Variants in LIN54 observed in about 807,000 individuals in gnomAD.
The protein encoded by LIN54 is protein lin-54 homolog.
LIN54 carries 9 observed loss-of-function variants against 78.7 expected under a neutral mutation model. That is an observed-to-expected ratio of 0.11 (90% CI 0.07 to 0.20). The LOEUF (loss-of-function observed/expected upper bound fraction) is 0.20, where lower values mean the gene tolerates loss of function less well. Among genes scored for constraint, LIN54 ranks in the 10% least tolerant of loss-of-function variants. The probability of loss-of-function intolerance (pLI) is 1.00; values close to 1 mark genes in which losing one functional copy is unlikely to be tolerated. For missense variants in LIN54, 573 were observed against 889.9 expected (o/e 0.64, Z 4.53); for synonymous variants, 269 against 318.4 (o/e 0.84, Z 1.65).
At chr4:82,943,861 ATTTT>A (rs35020887) in intron 5 of LIN54, among the ~76,000 whole-genome samples, 2 of 128,390 alleles carry the variant, frequency 1.6e-5, no homozygotes, top group African/African-American at 7.2e-5. Flanking sequence ...GTCAATACTG[ATTTT>A]TTTTTTTTTT....
rs1578487673 is a variant in LIN54, at chr4:82,934,999, C to T, written c.1845+982G>A. The stretch of plus-strand genomic sequence containing the variant: ...TTTCAACTACATCTTCCAGAGAAGA[C>T]GCCTGACCCATAAGTAAAAATAACC... On this transcript the variant is annotated intron_variant, in intron 11 of 12. Transcript: ENST00000340417. 3.3e-5 allele frequency among the ~76,000 whole-genome samples: 5 copies of T among 152,146 alleles called. No individual in the cohort carries two copies. In the South Asian group the frequency reaches 1.0e-3, roughly 32 times the overall value.
intron 12 of LIN54, among the ~76,000 whole-genome samples, chr4:82,930,362 T>A (rs1450856944): frequency 6.6e-6 from 1 of 152,220 alleles, no homozygotes; most frequent in Non-Finnish European, 1.5e-5. Context: ...TAGACATGCC[T>A]TATTCCTCAC....
At chr4:82,993,602 A>C (rs1216999753) in intron 1 of LIN54, among the ~76,000 whole-genome samples, 6 of 151,556 alleles carry the variant, frequency 4.0e-5, no homozygotes, top group Admixed American at 4.0e-4. Context: ...TCCTACCTAA[A>C]AATGGTTTTT....
chr4:82,974,083 A>C (rs113173231), intron 3 of LIN54, among the ~76,000 whole-genome samples: 5 of 151,936 alleles, frequency 3.3e-5, no homozygotes, highest in Admixed American at 6.6e-5. Context: ...GGTGGCAGGC[A>C]CCTGTAGTCC....
At chr4:82,955,790 G>GT (rs1420378627) in intron 4 of LIN54, among the ~76,000 whole-genome samples, 1 of 150,896 alleles carries the variant, frequency 6.6e-6, no homozygotes. Flanking sequence ...CTGTGCGTAA[G>GT]TTTTTTTCCC....
At chr4:82,941,174 A>ATATATATATATATATATATATATC (rs1236656168) in intron 5 of LIN54, among the ~76,000 whole-genome samples, 2 of 143,058 alleles carry the variant, frequency 1.4e-5, no homozygotes, top group Non-Finnish European at 3.1e-5. Flanking sequence ...ATATATATAT[A>ATATATATATATATATATATATATC]TCGTTGGCAG....
intron 1 of LIN54, among the ~76,000 whole-genome samples, chr4:82,988,877 A>T (rs1229330618): frequency 1.3e-5 from 2 of 151,424 alleles, no homozygotes; most frequent in East Asian, 1.9e-4. Context: ...TTCCTGTTAA[A>T]TTTTTTTTTC....
At chr4:82,991,794 GATTAA>G (rs1177484059) in intron 1 of LIN54, among the ~76,000 whole-genome samples, 1 of 151,792 alleles carries the variant, frequency 6.6e-6, no homozygotes, top group African/African-American at 2.4e-5. Context: ...ATTAATTTTT[GATTAA>G]ATTAATTTTG....
intron 4 of LIN54, among the ~76,000 whole-genome samples, chr4:82,966,454 TAA>T (rs746980272): frequency 1.3e-4 from 17 of 130,722 alleles, no homozygotes; most frequent in Admixed American, 1.6e-4. Context: ...TACCTCCTAT[TAA>T]AAAAAAAAAA....
chr4:82,985,896 C>A (rs1377829905), intron 1 of LIN54, among the ~76,000 whole-genome samples: 3 of 152,078 alleles, frequency 2.0e-5, no homozygotes, highest in Middle Eastern at 3.4e-3. Flanking sequence ...ACAGCCAATC[C>A]CCATGAAGAA....
chr4:82,937,351 T>C (rs546217899), intron 8 of LIN54, 53 bp from the exon 9 acceptor site: 2 of 1,109,536 alleles, frequency 1.8e-6, no homozygotes, highest in East Asian at 2.7e-5. Context: ...GTAACTAAAA[T>C]TAATTTAGTT....
intron 1 of LIN54, among the ~76,000 whole-genome samples, chr4:83,000,827 C>CTTTTTTTTTTTTTTTTTTTTTTTTTTT (rs1553959274): frequency 8.3e-6 from 1 of 120,540 alleles, no homozygotes; most frequent in Non-Finnish European, 1.6e-5. Context: ...GCAATAAATT[C>CTTTTTTTTTTTTTTTTTTTTTTTTTTT]TTTTTTTTTT....
At position 82,924,656 on chromosome 4, in the gene LIN54, C is replaced by T. The variant is rs1166380347; in HGVS notation, c.*3446G>A. On this transcript the variant is annotated 3_prime_UTR_variant, in exon 13 of 13. Coordinates refer to ENST00000340417, the MANE Select transcript of LIN54 (RefSeq NM_194282.4). ...AAAAAAAACCTTATAGCTTTCAACT[C>T]ATAAAATCACATGGATTAAAAAAAA... 3 of 151,806 alleles carry T rather than the reference C, an allele frequency of 2.0e-5. No homozygotes were observed. Among genetic ancestry groups the T allele is most frequent in the Non-Finnish European group, 2.9e-5 (2 of 67,990 alleles). The allele number at this position is 151,806 out of a possible 1,614,324, so 9.4% of individuals were successfully genotyped here. A position where few individuals can be genotyped will look rare whatever the true frequency, so the allele number is the denominator to read the frequency against.
chr4:83,007,405 T>C (rs1469322524), intron 1 of LIN54, among the ~76,000 whole-genome samples: 1 of 152,216 alleles, frequency 6.6e-6, no homozygotes, highest in Admixed American at 6.5e-5. Flanking sequence ...AGAAAAGACC[T>C]GTTTCCAAAT....
At position 82,984,889 on chromosome 4, in the gene LIN54, T is replaced by C. The variant is rs542222475; in HGVS notation, c.-32-13A>G. 7 of 1,518,418 alleles carry C rather than the reference T, an allele frequency of 4.6e-6. No homozygotes were observed. Among genetic ancestry groups the C allele is most frequent in the Admixed American group, 2.2e-5 (1 of 46,202 alleles). 94.1% of individuals were successfully genotyped at this position (1,518,418 alleles called of 1,614,324 possible). The stretch of plus-strand genomic sequence containing the variant: ...AGTTGATCAGGCACTGTAATAAAAG[T>C]TGAAAAATGAACAAGTTACTAGGTT... On this transcript the variant is annotated splice_polypyrimidine_tract_variant and intron_variant, in intron 1 of 12. Transcript: ENST00000340417.
intron 10 of LIN54, 74 bp from the exon 11 acceptor site, chr4:82,936,192 A>G: frequency 6.4e-7 from 1 of 1,569,568 alleles, no homozygotes; most frequent in Non-Finnish European, 8.8e-7. Flanking sequence ...AAAGGAATTG[A>G]TAACGTTTCT....
At chr4:82,934,708 T>C (rs1722247546) in intron 11 of LIN54, among the ~76,000 whole-genome samples, 1 of 151,994 alleles carries the variant, frequency 6.6e-6, no homozygotes, top group Non-Finnish European at 1.5e-5. Context: ...TGCCAATAAA[T>C]AAATAAACTA....
intron 11 of LIN54, among the ~76,000 whole-genome samples, chr4:82,934,635 C>G (rs1344517741): frequency 6.6e-6 from 1 of 152,178 alleles, no homozygotes; most frequent in Non-Finnish European, 1.5e-5. Flanking sequence ...GGAGAGGGCA[C>G]TGAACTGGAG....
At chr4:82,954,538 C>T (rs1405934584) in intron 4 of LIN54, among the ~76,000 whole-genome samples, 1 of 152,052 alleles carries the variant, frequency 6.6e-6, no homozygotes, top group African/African-American at 2.4e-5. Flanking sequence ...CCACTTCAGC[C>T]TGCCAAGTAG....
Sources: gnomAD v4.1 joint callset for allele counts (sites outside exome capture counted in the v4.1 genomes callset) on GRCh38, gnomAD v4.1.1 for gene constraint, MANE v1.5 for transcripts, NCBI Gene and HGNC (gene_info 2026-07-23, HGNC 2026-07-21) for gene names.